The following TCERG1 variants were observed in gnomAD, a reference collection of about 807,000 sequenced individuals.
TCERG1 encodes the protein transcription elongation regulator 1.
In TCERG1, 37 loss-of-function variants were observed where a neutral mutation model predicts 144.7. The ratio of observed to expected loss-of-function variants is 0.26; its 90% CI spans 0.20 to 0.34. TCERG1 has a LOEUF of 0.34. TCERG1 is among the 10% of genes least tolerant of loss of function. The pLI is 1.00. For synonymous variants in TCERG1, 492 were observed against 458.2 expected, an observed-to-expected ratio of 1.07 and a Z score of -0.94; for missense variants, 1,027 against 1,380.7, an observed-to-expected ratio of 0.74 and a Z score of 4.06.
chr5:146,491,580 T>C (rs895791097), intron 15 of TCERG1, among the ~76,000 whole-genome samples: 3 of 152,168 alleles, frequency 2.0e-5, no homozygotes, highest in Non-Finnish European at 4.4e-5. Flanking sequence ...CTAATCTGGC[T>C]GGAGGGCACA....
At chr5:146,495,484 T>G (rs889519280) in intron 16 of TCERG1, among the ~76,000 whole-genome samples, 1 of 152,238 alleles carries the variant, frequency 6.6e-6, no homozygotes, top group African/African-American at 2.4e-5. Context: ...TACCATGCCA[T>G]TTTATTATTG....
At chr5:146,455,385 G>A in intron 2 of TCERG1, 104 bp downstream of exon 2, 1 of 1,263,526 alleles carries the variant, frequency 7.9e-7, no homozygotes, top group Non-Finnish European at 1.1e-6. Context: ...CAGTTTATAG[G>A]AAAATGGGAG....
chr5:146,477,445 C>G (rs1240732170), intron 9 of TCERG1, among the ~76,000 whole-genome samples: 1 of 152,174 alleles, frequency 6.6e-6, no homozygotes, highest in East Asian at 1.9e-4. Context: ...AACCAGAGAT[C>G]ACCCTCAGGG....
intron 15 of TCERG1, among the ~76,000 whole-genome samples, chr5:146,489,568 GACTT>G (rs1581521788): frequency 6.6e-6 from 1 of 152,084 alleles, no homozygotes; most frequent in Non-Finnish European, 1.5e-5. Flanking sequence ...AAATAATGGA[GACTT>G]ACTTTTAGTA....
At chr5:146,457,525 G>A (rs1762929000) in intron 3 of TCERG1, among the ~76,000 whole-genome samples, 190 bp downstream of exon 3, 1 of 152,228 alleles carries the variant, frequency 6.6e-6, no homozygotes, top group African/African-American at 2.4e-5. Context: ...TGCCTGGAGT[G>A]CTAACACACA....
chr5:146,451,735 T>TATAACCAGG (rs201562360), intron 1 of TCERG1, among the ~76,000 whole-genome samples: 4 of 970 alleles, frequency 4.1e-3, no homozygotes, highest in Non-Finnish European at 9.8e-3. Context: ...ACAGTCCTGG[T>TATAACCAGG]TATACCAGGA....
At chr5:146,459,467 T>A in intron 4 of TCERG1, 130 bp downstream of exon 4, 3 of 1,468,932 alleles carry the variant, frequency 2.0e-6, no homozygotes, top group Non-Finnish European at 2.7e-6. Context: ...AATACATTTT[T>A]GACACTAAAA....
intron 9 of TCERG1, among the ~76,000 whole-genome samples, chr5:146,472,621 A>G (rs748465091): frequency 1.3e-5 from 2 of 152,052 alleles, no homozygotes; most frequent in South Asian, 4.2e-4. Context: ...AGACACAACA[A>G]TATTGAAATT....
intron 1 of TCERG1, among the ~76,000 whole-genome samples, chr5:146,448,175 G>A (rs1199207530): frequency 6.6e-6 from 1 of 152,202 alleles, no homozygotes; most frequent in Admixed American, 6.5e-5. Context: ...TAACAGCCTC[G>A]TGGAGGTTGA....
intron 2 of TCERG1, among the ~76,000 whole-genome samples, 173 bp downstream of exon 2, chr5:146,455,454 C>G (rs1243289047): frequency 6.6e-6 from 1 of 152,162 alleles, no homozygotes; most frequent in Admixed American, 6.5e-5. Flanking sequence ...GCAGTAATTA[C>G]TATGGAAATT....
intron 10 of TCERG1, among the ~76,000 whole-genome samples, chr5:146,479,331 T>C (rs1765131574): frequency 6.9e-6 from 1 of 145,612 alleles, no homozygotes; most frequent in South Asian, 2.1e-4. Flanking sequence ...GTATCATTTA[T>C]AGTCATTGAG....
At chr5:146,500,808 A>G (rs974745297) in intron 17 of TCERG1, among the ~76,000 whole-genome samples, 6 of 152,060 alleles carry the variant, frequency 3.9e-5, no homozygotes, top group African/African-American at 1.4e-4. Context: ...ATTGCTCGAG[A>G]CCAGCCTAGG....
chr5:146,459,201 A>G lies in TCERG1; in HGVS notation c.756A>G (p.Gln252=), dbSNP rs759733366. 6.2e-7 allele frequency: 1 copy of G among 1,614,104 alleles called. No homozygotes were observed. Among genetic ancestry groups the G allele is most frequent in the African/African-American group, 1.3e-5 (1 of 74,950 alleles). The change falls in exon 4 of 23, where the codon CAA becomes CAG. Residue 252 remains glutamine (Q), a synonymous_variant. Coordinates refer to ENST00000679501, the MANE Select transcript of TCERG1 (RefSeq NM_001382548.1). ...AGGCCCAGGTCCAGGCACAAGTGCA[A>G]GCACAAGCAGTTGGAGCTTCCACCC... ...QVQAQVQAQV[Q]AQAVGASTPT...
At chr5:146,464,484 T>C (rs1025155881) in intron 5 of TCERG1, among the ~76,000 whole-genome samples, 16 of 152,258 alleles carry the variant, frequency 1.1e-4, no homozygotes, top group African/African-American at 3.9e-4. Context: ...GGTGAATTAA[T>C]GTGTTATATT....
intron 16 of TCERG1, among the ~76,000 whole-genome samples, chr5:146,497,300 A>T (rs1374490022): frequency 6.6e-6 from 1 of 152,162 alleles, no homozygotes; most frequent in Non-Finnish European, 1.5e-5. Context: ...CTTCTCAAGT[A>T]GCTGGGATTA....
At position 146,507,207 on chromosome 5, in the gene TCERG1, A is replaced by C; in HGVS notation, c.2961A>C (p.Ala987=). The change falls in exon 20 of 23, where the codon GCA becomes GCC. Residue 987 remains alanine (A), a splice_region_variant and synonymous_variant. Transcript: ENST00000679501. The surrounding 1 kb of genome is among the most constrained non-coding windows in gnomAD (Gnocchi z 4.6). ...GGCAACTTCTGGATGAAACTTCTGC[A>C]GTAAGAATCTCTTATTTTTCTCATT... ...HFRQLLDETS[A]ITLTSTWKEV... is the part of the protein sequence containing the mutation. 1 of 1,574,778 alleles carries C rather than the reference A, an allele frequency of 6.4e-7. No individual in the cohort carries two copies. Among genetic ancestry groups the C allele is most frequent in the Non-Finnish European group, 8.6e-7 (1 of 1,165,632 alleles).
chr5:146,450,354 C>T (rs1407036606), intron 1 of TCERG1, among the ~76,000 whole-genome samples: 1 of 152,094 alleles, frequency 6.6e-6, no homozygotes, highest in Non-Finnish European at 1.5e-5. Context: ...AGAACAGGTG[C>T]AGAGGCTTCA....
intron 17 of TCERG1, chr5:146,503,156 A>G (rs1362117760): frequency 1.1e-5 from 3 of 275,526 alleles, no homozygotes; most frequent in African/African-American, 2.2e-5. Flanking sequence ...GGCAAATTTT[A>G]GATGAAAGCC....
At chr5:146,452,244 A>G (rs978468540) in intron 1 of TCERG1, among the ~76,000 whole-genome samples, 1 of 152,162 alleles carries the variant, frequency 6.6e-6, no homozygotes, top group African/African-American at 2.4e-5. Flanking sequence ...AAGAATGATT[A>G]TTTTCAAATA....
Sources: allele counts gnomAD v4.1 joint callset (sites outside exome capture counted in the v4.1 genomes callset), GRCh38; gene constraint gnomAD v4.1.1; non-coding constraint Gnocchi (gnomAD v3.1); transcripts MANE v1.5; gene names NCBI Gene and HGNC (gene_info 2026-07-23, HGNC 2026-07-21).